RBM19: variants seen among roughly 807,000 people sequenced by gnomAD.
The protein encoded by RBM19 is probable RNA-binding protein 19.
RBM19 carries 94 observed loss-of-function variants against 116.8 expected under a neutral mutation model. That is an observed-to-expected ratio of 0.80 (90% CI 0.68 to 0.95). The LOEUF is 0.95. Among genes scored for constraint, RBM19 ranks in the 40% least tolerant of loss-of-function variants. RBM19 has a pLI of 0.00. For synonymous variants in RBM19, 475 were observed against 494.1 expected, an observed-to-expected ratio of 0.96 and a Z score of 0.51; for missense variants, 1,161 against 1,220.7, an observed-to-expected ratio of 0.95 and a Z score of 0.73.
chr12:113,852,223 C>A (rs532216001), intron 22 of RBM19, among the ~76,000 whole-genome samples: 2 of 152,056 alleles, frequency 1.3e-5, no homozygotes, highest in African/African-American at 4.8e-5. Context: ...GTCCTCAGTC[C>A]GCACAGAAGC....
intron 23 of RBM19, among the ~76,000 whole-genome samples, chr12:113,828,747 C>T (rs1875104282): frequency 6.6e-6 from 1 of 152,136 alleles, no homozygotes; most frequent in African/African-American, 2.4e-5. Flanking sequence ...CTCTGGAAGG[C>T]TGGCTGAACC....
intron 21 of RBM19, among the ~76,000 whole-genome samples, chr12:113,893,849 C>T (rs922560563): frequency 1.3e-5 from 2 of 152,224 alleles, no homozygotes; most frequent in African/African-American, 4.8e-5. Context: ...TGCCAGATTT[C>T]AAGTGCTCAG....
chr12:113,958,540 A>C (rs73401076), intron 5 of RBM19, among the ~76,000 whole-genome samples: 33,684 of 151,920 alleles, frequency 0.22, 4,950 homozygotes, highest in African/African-American at 0.41. Context: ...TGTTCCCTTG[A>C]CTGGAACCCC....
At chr12:113,891,396 C>T (rs963687940) in intron 21 of RBM19, among the ~76,000 whole-genome samples, 21 of 152,156 alleles carry the variant, frequency 1.4e-4, no homozygotes, top group African/African-American at 4.6e-4. Flanking sequence ...GTGGTCAGCA[C>T]TTTTCCACAT....
At chr12:113,833,559 C>A (rs528196704) in intron 23 of RBM19, among the ~76,000 whole-genome samples, 1 of 152,298 alleles carries the variant, frequency 6.6e-6, no homozygotes, top group Admixed American at 6.5e-5. Flanking sequence ...ACACTCTGAC[C>A]CCAGGACCTT....
chr12:113,890,759 G>T (rs996120503), intron 21 of RBM19, among the ~76,000 whole-genome samples: 19 of 152,228 alleles, frequency 1.2e-4, no homozygotes, highest in African/African-American at 3.6e-4. Flanking sequence ...GGGATGCTGT[G>T]TGCTCCCCAA....
intron 22 of RBM19, among the ~76,000 whole-genome samples, chr12:113,845,592 C>T (rs181071912): frequency 7.2e-5 from 11 of 152,162 alleles, no homozygotes; most frequent in African/African-American, 2.7e-4. Context: ...GGAAACCCCA[C>T]ACCCCTTAGC....
At chr12:113,871,353 G>A (rs566187744) in intron 21 of RBM19, among the ~76,000 whole-genome samples, 175 of 152,334 alleles carry the variant, frequency 1.1e-3, no homozygotes, top group African/African-American at 3.1e-3. Context: ...TCATCCCAGA[G>A]GAGTTGAAAA....
intron 2 of RBM19, among the ~76,000 whole-genome samples, chr12:113,960,632 C>T (rs1285422551): frequency 6.6e-6 from 1 of 152,132 alleles, no homozygotes; most frequent in African/African-American, 2.4e-5. Context: ...AGTTCTTAAC[C>T]ATCCACTCTA....
At chr12:113,931,248 T>C (rs540775406) in intron 16 of RBM19, among the ~76,000 whole-genome samples, 3 of 152,126 alleles carry the variant, frequency 2.0e-5, no homozygotes, top group African/African-American at 4.8e-5. Context: ...GCAAAGATAA[T>C]GGCCCTTCCC....
intron 2 of RBM19, among the ~76,000 whole-genome samples, chr12:113,960,868 C>T (rs970705987): frequency 2.0e-5 from 3 of 152,302 alleles, no homozygotes; most frequent in African/African-American, 4.8e-5. Context: ...TGAGCTGACG[C>T]ACTATTCAGG....
chr12:113,942,923 T>A (rs889917427), intron 13 of RBM19, among the ~76,000 whole-genome samples: 1 of 152,134 alleles, frequency 6.6e-6, no homozygotes, highest in African/African-American at 2.4e-5. Flanking sequence ...CCAGTGGCTC[T>A]GGCTTCCCAG....
In RBM19 at chr12:113,940,104, G is replaced by C; in HGVS notation, c.1794C>G (p.Thr598=). The C allele has an allele frequency of 6.2e-7, 1 of 1,614,170 alleles. No individual in the cohort carries two copies. Among genetic ancestry groups the C allele is most frequent in the Non-Finnish European group, 8.5e-7 (1 of 1,180,032 alleles). ...VILVKNLPAG[T]LAAQLQETFG... is the part of the protein sequence containing the mutation. ...AGGTCTCCTGCAGCTGGGCCGCCAG[G>C]GTGCCTGCCGGGAGGTTCTTGACCA... Residue 598 remains threonine (T), a synonymous_variant, in exon 15 of 24, where the codon ACC becomes ACG. Coordinates refer to ENST00000261741, the MANE Select transcript of RBM19 (RefSeq NM_016196.4).
intron 21 of RBM19, among the ~76,000 whole-genome samples, chr12:113,896,001 G>A (rs1286398839): frequency 6.6e-6 from 1 of 152,066 alleles, no homozygotes; most frequent in African/African-American, 2.4e-5. Flanking sequence ...TATATGTAGA[G>A]AGGAGAAAGG....
chr12:113,878,527 T>C (rs1593523039), intron 21 of RBM19, among the ~76,000 whole-genome samples: 1 of 151,474 alleles, frequency 6.6e-6, no homozygotes, highest in South Asian at 2.1e-4. Context: ...CCCAAGCGGG[T>C]TCTTTTCTGC....
rs577698846 is a variant in RBM19 at position 113,960,248 on chromosome 12, C to T, written c.220-70G>A. On this transcript the variant is annotated intron_variant, in intron 2 of 23. Coordinates refer to ENST00000261741, the MANE Select transcript of RBM19 (RefSeq NM_016196.4). ...GGCGTTGGGTGCTGCCCTTCGGCAC[C>T]TGGGAGCTCGGGCATTTCAGACAAC... is the stretch of plus-strand genomic sequence containing the variant. 3.1e-6 allele frequency: 5 copies of T among 1,603,208 alleles called. No individual in the cohort carries two copies. The South Asian group carries it at 4.4e-5, about 14-fold the overall frequency.
chr12:113,929,634 C>T (rs1279713997), intron 16 of RBM19, among the ~76,000 whole-genome samples: 2 of 152,204 alleles, frequency 1.3e-5, no homozygotes, highest in East Asian at 3.8e-4. Flanking sequence ...AAAACCATGA[C>T]CTTCAGCAGT....
At chr12:113,823,447 A>G in intron 23 of RBM19, 126 bp from the exon 24 acceptor site, 1 of 738,830 alleles carries the variant, frequency 1.4e-6, no homozygotes, top group South Asian at 1.7e-5. Context: ...GCGGGGAGAC[A>G]GAACAGAAGC....
intron 23 of RBM19, among the ~76,000 whole-genome samples, chr12:113,830,577 G>GGT (rs1875308472): frequency 4.1e-5 from 4 of 96,778 alleles, no homozygotes; most frequent in African/African-American, 7.1e-5. Context: ...CTGCGGGGCG[G>GGT]GGGGGGGGGG....
Sources: gnomAD v4.1 joint callset for allele counts (sites outside exome capture counted in the v4.1 genomes callset) on GRCh38, gnomAD v4.1.1 for gene constraint, MANE v1.5 for transcripts, NCBI Gene and HGNC (gene_info 2026-07-23, HGNC 2026-07-21) for gene names.